The following STPG2 variants were observed in gnomAD, a reference collection of about 807,000 sequenced individuals.
The protein encoded by STPG2 is sperm tail PG-rich repeat containing 2.
A neutral mutation model predicts 54.2 loss-of-function variants in STPG2; 56 were observed. The ratio of observed to expected loss-of-function variants is 1.03; its 90% CI spans 0.83 to 1.29. The LOEUF is 1.29. Ranked by LOEUF, STPG2 falls within the 50% of genes most tolerant of loss-of-function variation. STPG2 has a pLI of 0.00. For synonymous variants in STPG2, 200 were observed against 181.8 expected, an observed-to-expected ratio of 1.10 and a Z score of -0.81; for missense variants, 596 against 544.9, an observed-to-expected ratio of 1.09 and a Z score of -0.93.
At chr4:97,682,066 A>G (rs1310085032) in intron 10 of STPG2, among the ~76,000 whole-genome samples, 1 of 151,784 alleles carries the variant, frequency 6.6e-6, no homozygotes, top group East Asian at 1.9e-4. Context: ...TGTCTGCTTG[A>G]TATTTGTCTA....
chr4:97,738,308 G>T (rs1038046524), intron 9 of STPG2, among the ~76,000 whole-genome samples: 1 of 152,056 alleles, frequency 6.6e-6, no homozygotes, highest in Non-Finnish European at 1.5e-5. Flanking sequence ...ATCAACTAAC[G>T]AGCAAAATAA....
chr4:97,705,359 T>A (rs1283748342), intron 10 of STPG2, among the ~76,000 whole-genome samples: 2 of 151,550 alleles, frequency 1.3e-5, no homozygotes, highest in African/African-American at 4.9e-5. Flanking sequence ...GGAGTCTCAC[T>A]CTGTTACCCA....
chr4:97,950,554 G>C (rs1267552152), intron 7 of STPG2, among the ~76,000 whole-genome samples: 2 of 151,830 alleles, frequency 1.3e-5, no homozygotes, highest in African/African-American at 4.8e-5. Context: ...GAATACCTTA[G>C]TAATTAATCT....
chr4:97,549,592 C>G (rs917250820), intron 4 of STPG2, among the ~76,000 whole-genome samples: 1 of 152,102 alleles, frequency 6.6e-6, no homozygotes, highest in Non-Finnish European at 1.5e-5. Flanking sequence ...AGGGTCTTTG[C>G]AGGTATAATT....
At position 97,972,201 on chromosome 4, in the gene STPG2, T is replaced by C; in HGVS notation, c.933+79A>G. 3 of 972,356 alleles carry C rather than the reference T, an allele frequency of 3.1e-6. No individual in the cohort carries two copies. The East Asian group carries it at 8.1e-5, about 26-fold the overall frequency. The allele number at this position is 972,356 out of a possible 1,614,324, so 60.2% of individuals were successfully genotyped here. On this transcript the variant is annotated intron_variant, in intron 7 of 10. Coordinates refer to ENST00000295268, the MANE Select transcript of STPG2 (RefSeq NM_174952.3). ...ACTATTTGACATCCTTTTCTATTAA[T>C]TATAACATGTAATTTCAAGAGAACC...
chr4:97,569,057 G>A (rs1461909239), intron 10 of STPG2, among the ~76,000 whole-genome samples: 1 of 152,062 alleles, frequency 6.6e-6, no homozygotes, highest in Non-Finnish European at 1.5e-5. Context: ...ATAAAAGAAT[G>A]GCTATTCCAT....
chr4:98,083,992 T>A (rs1273395306), intron 5 of STPG2, among the ~76,000 whole-genome samples: 2 of 152,100 alleles, frequency 1.3e-5, no homozygotes, highest in Non-Finnish European at 2.9e-5. Flanking sequence ...CAGCTGAGAC[T>A]ACAGGCATGA....
chr4:97,581,637 A>G (rs192015634), intron 10 of STPG2, among the ~76,000 whole-genome samples: 4 of 152,064 alleles, frequency 2.6e-5, no homozygotes, highest in Admixed American at 2.6e-4. Flanking sequence ...CATCAATTAA[A>G]TTTCACCTTG....
chr4:97,481,507 G>A (rs888835898), intron 4 of STPG2, among the ~76,000 whole-genome samples: 10 of 151,314 alleles, frequency 6.6e-5, no homozygotes, highest in African/African-American at 2.4e-4. Flanking sequence ...AGATTTATTA[G>A]GAATGTTAAA....
intron 4 of STPG2, among the ~76,000 whole-genome samples, chr4:97,553,181 A>G (rs1040973317): frequency 1.3e-5 from 2 of 152,154 alleles, no homozygotes; most frequent in Admixed American, 1.3e-4. Flanking sequence ...GATCTGGGAG[A>G]TAAGTGGCTA....
intron 8 of STPG2, among the ~76,000 whole-genome samples, chr4:97,862,351 G>A (rs1215280850): frequency 2.0e-5 from 3 of 152,024 alleles, no homozygotes; most frequent in Non-Finnish European, 4.4e-5. Context: ...GACAAAGAAG[G>A]CCATTACATA....
At chr4:98,051,010 A>G (rs1012883831) in intron 5 of STPG2, among the ~76,000 whole-genome samples, 2 of 134,964 alleles carry the variant, frequency 1.5e-5, no homozygotes, top group African/African-American at 5.6e-5. Flanking sequence ...ATCTCAAAAA[A>G]AAGAAAAAAA....
intron 4 of STPG2, among the ~76,000 whole-genome samples, chr4:97,537,210 T>A (rs1731554868): frequency 6.6e-6 from 1 of 151,990 alleles, no homozygotes; most frequent in Non-Finnish European, 1.5e-5. Context: ...GGACAGTGGG[T>A]GCAGTGAACC....
At chr4:98,072,598 TAA>T (rs1560666421) in intron 5 of STPG2, among the ~76,000 whole-genome samples, 15 of 151,216 alleles carry the variant, frequency 9.9e-5, no homozygotes, top group African/African-American at 3.1e-4. Flanking sequence ...TAAAATAAAA[TAA>T]AATAAAATAA....
At chr4:98,105,898 G>C in intron 5 of STPG2, 55 bp downstream of exon 5, 5 of 1,434,570 alleles carry the variant, frequency 3.5e-6, no homozygotes, top group Middle Eastern at 1.8e-4. Context: ...GTGATAACAG[G>C]ATTCAATGAT....
chr4:97,892,177 A>G (rs1187937877), intron 8 of STPG2, among the ~76,000 whole-genome samples: 3 of 152,172 alleles, frequency 2.0e-5, no homozygotes, highest in African/African-American at 4.8e-5. Flanking sequence ...AGCAAGTTCA[A>G]GCTCTGACTT....
intron 9 of STPG2, among the ~76,000 whole-genome samples, chr4:97,747,365 C>T (rs1364840398): frequency 6.6e-6 from 1 of 151,330 alleles, no homozygotes; most frequent in Non-Finnish European, 1.5e-5. Flanking sequence ...GGCAATGGAG[C>T]TTAATCCATG....
intron 4 of STPG2, among the ~76,000 whole-genome samples, chr4:97,506,604 T>A (rs1412819656): frequency 6.6e-6 from 1 of 151,920 alleles, no homozygotes; most frequent in Non-Finnish European, 1.5e-5. Context: ...TAAATAATGA[T>A]GTACATGGAG....
chr4:97,903,583 G>A (rs762735389), intron 8 of STPG2, among the ~76,000 whole-genome samples: 5 of 152,078 alleles, frequency 3.3e-5, no homozygotes, highest in Non-Finnish European at 7.4e-5. Flanking sequence ...TAGTAAGACC[G>A]ATTAACAAAA....
Sources: gnomAD v4.1 joint callset for allele counts (sites outside exome capture counted in the v4.1 genomes callset) on GRCh38, gnomAD v4.1.1 for gene constraint, MANE v1.5 for transcripts, NCBI Gene and HGNC (gene_info 2026-07-23, HGNC 2026-07-21) for gene names.